Variants in KALRN observed in about 807,000 individuals in gnomAD.
The protein encoded by KALRN is kalirin.
A neutral mutation model predicts 353.7 loss-of-function variants in KALRN; 70 were observed. That is an observed-to-expected ratio of 0.20 (90% CI 0.16 to 0.24). KALRN has a LOEUF of 0.24. Among genes scored for constraint, KALRN ranks in the 10% least tolerant of loss-of-function variants. KALRN has a pLI of 1.00. For synonymous variants in KALRN, 1,391 were observed against 1,434.8 expected (o/e 0.97, Z 0.69); for missense variants, 2,791 against 3,756.7 (o/e 0.74, Z 6.72).
At chr3:124,434,565 C>A in intron 17 of KALRN, 40 bp downstream of exon 17, 1 of 1,590,000 alleles carries the variant, frequency 6.3e-7, no homozygotes, top group Non-Finnish European at 8.6e-7. Flanking sequence ...GCTGAGATTG[C>A]CAGGGGGCCA....
At chr3:124,642,060 T>C (rs1366753095) in intron 37 of KALRN, among the ~76,000 whole-genome samples, 1 of 152,096 alleles carries the variant, frequency 6.6e-6, no homozygotes, top group Non-Finnish European at 1.5e-5. Flanking sequence ...AGCGGGCAGA[T>C]TGCCTGAGCT....
chr3:124,130,038 A>G (rs1336288102), intron 1 of KALRN, among the ~76,000 whole-genome samples: 1 of 152,246 alleles, frequency 6.6e-6, no homozygotes, highest in African/African-American at 2.4e-5. Context: ...AGTGAAATGA[A>G]TAACAACTCA....
intron 1 of KALRN, among the ~76,000 whole-genome samples, chr3:124,202,513 A>C (rs1448151333): frequency 6.6e-6 from 1 of 152,080 alleles, no homozygotes; most frequent in Admixed American, 6.5e-5. Flanking sequence ...AGGCCTCCCA[A>C]AGTGCTGGGA....
intron 34 of KALRN, among the ~76,000 whole-genome samples, chr3:124,591,143 G>A (rs1204029368): frequency 6.6e-6 from 1 of 152,158 alleles, no homozygotes; most frequent in Admixed American, 6.5e-5. Flanking sequence ...CTGCTTTCAA[G>A]GGACTCTTCT....
At chr3:124,275,124 C>T (rs2074568184) in intron 5 of KALRN, among the ~76,000 whole-genome samples, 1 of 152,234 alleles carries the variant, frequency 6.6e-6, no homozygotes, top group African/African-American at 2.4e-5. Context: ...GCACAATACT[C>T]TCTCTTCATG....
At chr3:124,075,828 T>C (rs1400382700) in intron 1 of KALRN, among the ~76,000 whole-genome samples, 1 of 152,224 alleles carries the variant, frequency 6.6e-6, no homozygotes, top group South Asian at 2.1e-4. Flanking sequence ...GAGGGAGTAT[T>C]GTGCATTCTT....
At chr3:124,390,063 G>T (rs961371696) in intron 11 of KALRN, among the ~76,000 whole-genome samples, 1 of 152,122 alleles carries the variant, frequency 6.6e-6, no homozygotes, top group African/African-American at 2.4e-5. Flanking sequence ...TTTGCCTGGG[G>T]CCAAGAGGGC....
chr3:124,140,393 T>G (rs1033394426), intron 1 of KALRN, among the ~76,000 whole-genome samples: 2 of 152,218 alleles, frequency 1.3e-5, no homozygotes, highest in African/African-American at 4.8e-5. Context: ...ATAGAAGTGA[T>G]ATTTTAGGGG....
At chr3:124,227,161 A>G (rs2078602504) in intron 1 of KALRN, among the ~76,000 whole-genome samples, 1 of 152,168 alleles carries the variant, frequency 6.6e-6, no homozygotes. Flanking sequence ...CTCCAGGCAC[A>G]TCTTTAGTTT....
intron 3 of KALRN, among the ~76,000 whole-genome samples, chr3:124,239,961 A>C (rs943787405): frequency 1.3e-5 from 2 of 152,206 alleles, no homozygotes; most frequent in Non-Finnish European, 2.9e-5. Context: ...TTTAGGTCAC[A>C]TTGTTTACAT....
Position 124,334,192 on chromosome 3 carries a change from G to A in KALRN, c.1417-73G>A, listed in dbSNP as rs112922345. 24 of 1,316,226 alleles carry A rather than the reference G, an allele frequency of 1.8e-5. No individual in the cohort carries two copies. The highest frequency in any genetic ancestry group is 1.6e-4 in the African/African-American group (11 of 69,506). 81.5% of individuals were successfully genotyped at this position (1,316,226 alleles called of 1,614,324 possible). Reference sequence around the variant, plus strand: ...AGGCCTAGTCAGGGACCCTCAGGCAGACACTTCCTGCTTCTCTCTGTGCCC... The same window carrying A: ...AGGCCTAGTCAGGGACCCTCAGGCAAACACTTCCTGCTTCTCTCTGTGCCC... On this transcript the variant is annotated intron_variant, in intron 8 of 59. Transcript: ENST00000682506. The surrounding 1 kb of genome is among the most constrained non-coding windows in gnomAD (Gnocchi z 4.2).
At chr3:124,442,174 T>A in intron 19 of KALRN, 115 bp downstream of exon 19, 1 of 582,402 alleles carries the variant, frequency 1.7e-6, no homozygotes, top group South Asian at 2.7e-5. Context: ...TCCTTAGAAA[T>A]GAAAATGTAT....
At chr3:124,565,840 T>C (rs2072741760) in intron 34 of KALRN, among the ~76,000 whole-genome samples, 1 of 152,000 alleles carries the variant, frequency 6.6e-6, no homozygotes, top group Admixed American at 6.6e-5. Context: ...GATCCCGAAG[T>C]GGGAGGTGGA....
intron 34 of KALRN, among the ~76,000 whole-genome samples, chr3:124,631,224 C>G (rs575153884): frequency 2.0e-4 from 30 of 152,290 alleles, no homozygotes; most frequent in Admixed American, 6.5e-4. Context: ...TATCCATACC[C>G]ATGCCTCTCG....
chr3:124,474,250 A>T (rs1012390197), intron 25 of KALRN, among the ~76,000 whole-genome samples: 6 of 152,148 alleles, frequency 3.9e-5, no homozygotes, highest in Non-Finnish European at 7.4e-5. Context: ...GTGTAGGCTG[A>T]ATTTTTTTCT....
At chr3:124,341,517 A>G (rs574969979) in intron 9 of KALRN, among the ~76,000 whole-genome samples, 10 of 152,338 alleles carry the variant, frequency 6.6e-5, no homozygotes, top group African/African-American at 2.4e-4. Flanking sequence ...ACATCCCTCT[A>G]AGAACTAACT....
chr3:124,658,747 A>G (rs1208256252), intron 42 of KALRN, among the ~76,000 whole-genome samples: 1 of 152,198 alleles, frequency 6.6e-6, no homozygotes, highest in East Asian at 1.9e-4. Context: ...TTCTGATTTG[A>G]GAATCCCCCA....
At chr3:124,235,436 G>A (rs1007998945) in intron 3 of KALRN, among the ~76,000 whole-genome samples, 4 of 152,300 alleles carry the variant, frequency 2.6e-5, no homozygotes, top group Non-Finnish European at 5.9e-5. Context: ...TTTAAAAAGT[G>A]TGAGAAACAC....
chr3:124,444,835 AAG>A (rs948722589), intron 19 of KALRN, among the ~76,000 whole-genome samples: 2 of 151,778 alleles, frequency 1.3e-5, no homozygotes, highest in Non-Finnish European at 2.9e-5. Flanking sequence ...GAAAGAAAGA[AAG>A]AGAGAGAAAG....
Sources: gnomAD v4.1 joint callset for allele counts (sites outside exome capture counted in the v4.1 genomes callset) on GRCh38, gnomAD v4.1.1 for gene constraint, Gnocchi (gnomAD v3.1) non-coding constraint, MANE v1.5 for transcripts, NCBI Gene and HGNC (gene_info 2026-07-23, HGNC 2026-07-21) for gene names.